Variants in DPP10 observed in about 807,000 individuals in gnomAD.
The protein encoded by DPP10 is dipeptidyl peptidase like 10.
DPP10 carries 33 observed loss-of-function variants against 120.9 expected under a neutral mutation model. The ratio of observed to expected loss-of-function variants is 0.27; its 90% CI spans 0.21 to 0.37. The LOEUF (loss-of-function observed/expected upper bound fraction) is 0.37, where lower values mean the gene tolerates loss of function less well. Ranked by LOEUF, DPP10 falls within the 10% of genes least tolerant of loss-of-function variation. DPP10 has a pLI of 1.00. For missense variants in DPP10, 816 were observed against 942.8 expected (o/e 0.87, Z 1.76); for synonymous variants, 337 against 326.1 (o/e 1.03, Z -0.36).
chr2:115,684,276 C>T (rs2090845033), intron 5 of DPP10, among the ~76,000 whole-genome samples: 1 of 151,782 alleles, frequency 6.6e-6, no homozygotes, highest in South Asian at 2.1e-4. Context: ...CATATTACAA[C>T]ACTAGAGTCT....
At chr2:114,966,618 G>A (rs758470520) in intron 1 of DPP10, among the ~76,000 whole-genome samples, 1 of 152,126 alleles carries the variant, frequency 6.6e-6, no homozygotes, top group Non-Finnish European at 1.5e-5. Flanking sequence ...CCAGTCTCAG[G>A]TATTCTGTTA....
intron 1 of DPP10, among the ~76,000 whole-genome samples, chr2:114,443,382 G>A (rs1677766348): frequency 6.6e-6 from 1 of 152,120 alleles, no homozygotes; most frequent in Admixed American, 6.5e-5. Context: ...ATATCACCAT[G>A]TAACTCAAAA....
intron 1 of DPP10, among the ~76,000 whole-genome samples, chr2:115,278,677 A>G (rs2060015924): frequency 1.3e-5 from 2 of 151,968 alleles, no homozygotes; most frequent in Admixed American, 6.6e-5. Context: ...ATGCCAGGCT[A>G]TTTTTAACAA....
chr2:115,676,089 G>A (rs6542284), intron 5 of DPP10, among the ~76,000 whole-genome samples: 1 of 151,990 alleles, frequency 6.6e-6, no homozygotes. Flanking sequence ...CAAGCCACCA[G>A]TTCAAGGCAT....
intron 3 of DPP10, among the ~76,000 whole-genome samples, chr2:115,438,421 T>C (rs532123500): frequency 1.3e-5 from 2 of 152,290 alleles, no homozygotes; most frequent in Non-Finnish European, 2.9e-5. Flanking sequence ...CTTGTACATA[T>C]ACTTGCGTGC....
At chr2:115,349,104 T>G (rs2063861814) in intron 3 of DPP10, among the ~76,000 whole-genome samples, 1 of 152,154 alleles carries the variant, frequency 6.6e-6, no homozygotes, top group African/African-American at 2.4e-5. Flanking sequence ...GGGATAGAAG[T>G]TGTTTCACAT....
At chr2:115,219,796 G>A (rs2057040078) in intron 1 of DPP10, among the ~76,000 whole-genome samples, 1 of 152,176 alleles carries the variant, frequency 6.6e-6, no homozygotes, top group African/African-American at 2.4e-5. Context: ...GCAGCTGACT[G>A]CAAATATGCT....
At chr2:114,939,103 A>G (rs1321510073) in intron 1 of DPP10, among the ~76,000 whole-genome samples, 1 of 152,118 alleles carries the variant, frequency 6.6e-6, no homozygotes, top group East Asian at 1.9e-4. Flanking sequence ...ACTGTATACT[A>G]TATTCTTAGA....
intron 1 of DPP10, among the ~76,000 whole-genome samples, chr2:114,767,207 C>CAAAAAAAAAAAAAAAAAAAAAAG (rs1680798532): frequency 3.0e-5 from 1 of 33,060 alleles, no homozygotes; most frequent in African/African-American, 1.2e-4. Context: ...AGGATAAAAG[C>CAAAAAAAAAAAAAAAAAAAAAAG]AAAAAAAAAA....
At chr2:115,718,024 G>A (rs982935455) in intron 7 of DPP10, among the ~76,000 whole-genome samples, 1 of 152,044 alleles carries the variant, frequency 6.6e-6, no homozygotes, top group Non-Finnish European at 1.5e-5. Context: ...ATGTATACTA[G>A]GTAGCCGGTA....
chr2:115,703,527 G>A (rs1470928403), intron 7 of DPP10, among the ~76,000 whole-genome samples: 1 of 152,042 alleles, frequency 6.6e-6, no homozygotes, highest in East Asian at 1.9e-4. Flanking sequence ...TCAGTCTTGA[G>A]TCCTAAATCT....
At chr2:115,650,356 G>A (rs772082567) in intron 5 of DPP10, among the ~76,000 whole-genome samples, 3 of 139,620 alleles carry the variant, frequency 2.1e-5, no homozygotes, top group African/African-American at 5.2e-5. Flanking sequence ...ACTTCTTATC[G>A]TCTCGATCTT....
chr2:114,838,588 T>A (rs1479992566), intron 1 of DPP10, among the ~76,000 whole-genome samples: 1 of 152,182 alleles, frequency 6.6e-6, no homozygotes, highest in Admixed American at 6.6e-5. Flanking sequence ...TGAGCCACTG[T>A]GCCCCGCCCT....
At chr2:115,580,096 G>C (rs2081930001) in intron 5 of DPP10, 1 of 152,138 alleles carries the variant, frequency 6.6e-6, no homozygotes, top group Admixed American at 6.5e-5. Flanking sequence ...TTCTGCCTTA[G>C]TTTGCTAGCT....
chr2:114,920,217 A>G (rs553150786), intron 1 of DPP10, among the ~76,000 whole-genome samples: 17 of 152,270 alleles, frequency 1.1e-4, no homozygotes, highest in African/African-American at 3.8e-4. Flanking sequence ...GTTTGAATGA[A>G]AAACAATAGT....
chr2:115,022,903 G>A (rs866673390), intron 1 of DPP10, among the ~76,000 whole-genome samples: 23 of 152,048 alleles, frequency 1.5e-4, no homozygotes, highest in Admixed American at 1.5e-3. Context: ...GTGGGGAAAG[G>A]ACACTCCATT....
chr2:114,522,515 G>A (rs1183301321), intron 1 of DPP10, among the ~76,000 whole-genome samples: 2 of 152,178 alleles, frequency 1.3e-5, no homozygotes, highest in Non-Finnish European at 2.9e-5. Context: ...AACACTCTGG[G>A]AATTATGATA....
In DPP10 at chr2:114,923,472, CTTTTTTTTT is replaced by C. The variant is rs71394115; in HGVS notation, c.61-385749_61-385741del. Among the ~76,000 whole-genome samples, 225 of 69,412 alleles carry C rather than the reference CTTTTTTTTT, an allele frequency of 3.2e-3. 2 individuals are homozygous for C. Among genetic ancestry groups the C allele is most frequent in the African/African-American group, 0.014 (215 of 15,076 alleles). The allele number at this position is 69,412 out of a possible 152,430, so 45.5% of individuals were successfully genotyped here. A position where few individuals can be genotyped will look rare whatever the true frequency, so the allele number is the denominator to read the frequency against. The stretch of plus-strand genomic sequence containing the variant: ...GAGCCACCACGCTTGGCCTTTTTTC[CTTTTTTTTT>C]TTTTTTTTTTTTTTTTTGACAGAGT... On this transcript the variant is annotated intron_variant, in intron 1 of 25. Coordinates refer to ENST00000410059, the MANE Select transcript of DPP10 (RefSeq NM_020868.6).
chr2:114,569,819 C>T (rs977411549), intron 1 of DPP10, among the ~76,000 whole-genome samples: 5 of 150,450 alleles, frequency 3.3e-5, no homozygotes, highest in African/African-American at 1.2e-4. Flanking sequence ...AAATCACACT[C>T]ACACACACAC....
Sources: gnomAD v4.1 joint callset for allele counts (sites outside exome capture counted in the v4.1 genomes callset) on GRCh38, gnomAD v4.1.1 for gene constraint, MANE v1.5 for transcripts, NCBI Gene and HGNC (gene_info 2026-07-23, HGNC 2026-07-21) for gene names.